Variants in RORA observed in about 807,000 individuals in gnomAD.
The protein encoded by RORA is RAR related orphan receptor A.
Under a neutral mutation model 69.5 loss-of-function variants are expected in RORA, and 7 were observed. The ratio of observed to expected loss-of-function variants is 0.10; its 90% CI spans 0.06 to 0.19. RORA has a LOEUF of 0.19. Ranked by LOEUF, RORA falls within the 10% of genes least tolerant of loss-of-function variation. The pLI is 1.00. For synonymous variants in RORA, 261 were observed against 240.8 expected (o/e 1.08, Z -0.78); for missense variants, 457 against 663.0 (o/e 0.69, Z 3.41).
At chr15:60,676,865 G>A (rs1009749076) in intron 2 of RORA, among the ~76,000 whole-genome samples, 2 of 152,156 alleles carry the variant, frequency 1.3e-5, no homozygotes, top group African/African-American at 4.8e-5. Context: ...ACAGTTCCTC[G>A]AATGTCTCTC....
chr15:60,645,238 A>T (rs2070018664), intron 2 of RORA, among the ~76,000 whole-genome samples: 1 of 151,702 alleles, frequency 6.6e-6, no homozygotes, highest in South Asian at 2.1e-4. Flanking sequence ...GGGGAAGGAG[A>T]GAAGGAAGGA....
At chr15:60,727,722 A>T (rs2071379003) in intron 1 of RORA, among the ~76,000 whole-genome samples, 2 of 152,186 alleles carry the variant, frequency 1.3e-5, no homozygotes, top group African/African-American at 4.8e-5. Flanking sequence ...CCCTGTCCTT[A>T]CATGAACCGG....
chr15:61,228,974 G>A (rs929979452), intron 1 of RORA, 79 bp downstream of exon 1: 94 of 723,270 alleles, frequency 1.3e-4, no homozygotes, highest in Non-Finnish European at 1.4e-4. Flanking sequence ...CCCGCGCCCC[G>A]GGCGCCCGCT....
At chr15:60,815,793 T>A (rs1359810136) in intron 1 of RORA, among the ~76,000 whole-genome samples, 4 of 151,448 alleles carry the variant, frequency 2.6e-5, no homozygotes, top group Admixed American at 2.6e-4. Context: ...TCCATTCTGA[T>A]CTTTTAAAAA....
At chr15:60,997,039 TTGTGTGTGTGTG>T (rs10687177) in intron 1 of RORA, among the ~76,000 whole-genome samples, 2 of 148,422 alleles carry the variant, frequency 1.3e-5, no homozygotes, top group African/African-American at 2.5e-5. Context: ...ATATTGGGGT[TTGTGTGTGTGTG>T]TGTGTGTGTG....
At chr15:60,526,060 T>C (rs889786815) in intron 3 of RORA, among the ~76,000 whole-genome samples, 1 of 152,062 alleles carries the variant, frequency 6.6e-6, no homozygotes, top group African/African-American at 2.4e-5. Flanking sequence ...CAAAGAAGCA[T>C]ATGAGGAAAA....
intron 1 of RORA, among the ~76,000 whole-genome samples, chr15:61,221,158 C>G (rs908832526): frequency 5.9e-5 from 9 of 152,184 alleles, no homozygotes; most frequent in African/African-American, 2.2e-4. Flanking sequence ...CAGGATAAGA[C>G]AGAAAAAATT....
chr15:60,721,764 T>G (rs1473264485), intron 1 of RORA, among the ~76,000 whole-genome samples: 1 of 152,278 alleles, frequency 6.6e-6, no homozygotes, highest in Non-Finnish European at 1.5e-5. Flanking sequence ...GGGCTCAGTC[T>G]TCTTTATGAA....
intron 3 of RORA, among the ~76,000 whole-genome samples, chr15:60,522,026 G>T (rs2141393169): frequency 6.6e-6 from 1 of 152,256 alleles, no homozygotes; most frequent in African/African-American, 2.4e-5. Context: ...TGGGCGCTTG[G>T]CAAACTGGGA....
intron 1 of RORA, among the ~76,000 whole-genome samples, chr15:60,968,309 T>A (rs958843992): frequency 3.3e-5 from 5 of 152,296 alleles, no homozygotes; most frequent in Non-Finnish European, 4.4e-5. Context: ...TAGCCAATAG[T>A]CCTTAAACAT....
At chr15:60,835,670 G>A (rs953322049) in intron 1 of RORA, among the ~76,000 whole-genome samples, 4 of 152,162 alleles carry the variant, frequency 2.6e-5, no homozygotes, top group African/African-American at 9.7e-5. Context: ...TGGGGTGTGG[G>A]AGCCTTGATC....
At chr15:60,951,853 T>G (rs947292701) in intron 1 of RORA, among the ~76,000 whole-genome samples, 1 of 151,786 alleles carries the variant, frequency 6.6e-6, no homozygotes, top group Non-Finnish European at 1.5e-5. Flanking sequence ...CCGAATTCTA[T>G]CAGAGGTACA....
chr15:60,927,994 T>C (rs1166639781), intron 1 of RORA, among the ~76,000 whole-genome samples: 1 of 152,158 alleles, frequency 6.6e-6, no homozygotes, highest in African/African-American at 2.4e-5. Flanking sequence ...TGCCCTTGTT[T>C]GGGGCCCGTG....
At chr15:60,884,718 C>T (rs2073732244) in intron 1 of RORA, among the ~76,000 whole-genome samples, 1 of 152,146 alleles carries the variant, frequency 6.6e-6, no homozygotes, top group African/African-American at 2.4e-5. Context: ...ATGTCAAAAC[C>T]CATTCTCTCT....
At chr15:60,752,362 G>A (rs2071736387) in intron 1 of RORA, among the ~76,000 whole-genome samples, 1 of 152,112 alleles carries the variant, frequency 6.6e-6, no homozygotes, top group Admixed American at 6.5e-5. Flanking sequence ...GTAAAGCGCA[G>A]GGACGTGTGA....
At chr15:60,941,407 G>C (rs1214481432) in intron 1 of RORA, among the ~76,000 whole-genome samples, 1 of 152,232 alleles carries the variant, frequency 6.6e-6, no homozygotes, top group Non-Finnish European at 1.5e-5. Context: ...ATTCCATTTA[G>C]CTATTAGGAC....
chr15:60,754,292 T>C (rs2071766765), intron 1 of RORA, among the ~76,000 whole-genome samples: 1 of 152,126 alleles, frequency 6.6e-6, no homozygotes, highest in South Asian at 2.1e-4. Context: ...ACCATGGAGG[T>C]TTCGTTGTGC....
rs1555460958 is a variant in RORA, at chr15:60,896,746, T to TC, written c.167-218061_167-218060insG. ...GGAGAATTTAGCTTTTTTTTTTTTTTTTTTTGGCTGCATAGCCAAGGGAAT... is the reference window on the plus strand; with the variant it reads ...GGAGAATTTAGCTTTTTTTTTTTTTTCTTTTTGGCTGCATAGCCAAGGGAAT... On this transcript the variant is annotated intron_variant, in intron 1 of 10. Coordinates refer to ENST00000335670, the MANE Select transcript of RORA (RefSeq NM_134261.3). Among the ~76,000 whole-genome samples the TC allele has an allele frequency of 5.3e-4, 79 of 148,300 alleles. 1 individual carries two copies. The highest frequency in any genetic ancestry group is 4.3e-3 in the South Asian group (20 of 4,674).
chr15:61,136,911 T>C (rs2079245202), intron 1 of RORA, among the ~76,000 whole-genome samples: 2 of 151,998 alleles, frequency 1.3e-5, no homozygotes, highest in African/African-American at 4.8e-5. Flanking sequence ...ACATAAGATA[T>C]TTCCTGGAAT....
Sources: gnomAD v4.1 joint callset for allele counts (sites outside exome capture counted in the v4.1 genomes callset) on GRCh38, gnomAD v4.1.1 for gene constraint, MANE v1.5 for transcripts, NCBI Gene and HGNC (gene_info 2026-07-23, HGNC 2026-07-21) for gene names.